Variants in VIT observed in about 807,000 individuals in gnomAD.
VIT encodes vitrin.
Under a neutral mutation model 78.0 loss-of-function variants are expected in VIT, and 99 were observed. That is an observed-to-expected ratio of 1.27 (90% confidence interval 1.08 to 1.50). VIT has a LOEUF of 1.50. Among genes scored for constraint, VIT ranks in the 40% most tolerant of loss-of-function variants. The probability of loss-of-function intolerance (pLI) is 0.00; values close to 1 mark genes in which losing one functional copy is unlikely to be tolerated. For synonymous variants in VIT, 374 were observed against 334.3 expected (o/e 1.12, Z -1.29); for missense variants, 1,126 against 875.3 (o/e 1.29, Z -3.61).
At chr2:36,813,109 G>T (rs1003745102) in intron 15 of VIT, among the ~76,000 whole-genome samples, 2 of 149,520 alleles carry the variant, frequency 1.3e-5, no homozygotes, top group Admixed American at 6.6e-5. Flanking sequence ...CAAAGTGCTG[G>T]GATTACAGGC....
intron 5 of VIT, among the ~76,000 whole-genome samples, chr2:36,755,472 T>A (rs1022249098): frequency 1.3e-5 from 2 of 152,200 alleles, no homozygotes; most frequent in Non-Finnish European, 2.9e-5. Context: ...ACAATGGCCA[T>A]ATCAAGAGGC....
chr2:36,708,074 G>GTACA (rs774481064), intron 1 of VIT, among the ~76,000 whole-genome samples: 43 of 151,944 alleles, frequency 2.8e-4, no homozygotes, highest in Non-Finnish European at 5.3e-4. Context: ...GAAGGTTTAT[G>GTACA]TACAGATAGA....
chr2:36,808,225 A>G (rs1242330309), intron 14 of VIT, among the ~76,000 whole-genome samples: 1 of 152,250 alleles, frequency 6.6e-6, no homozygotes, highest in African/African-American at 2.4e-5. Flanking sequence ...TTTGCTTAGC[A>G]GACAGCTTTC....
At chr2:36,750,984 G>A (rs1483930745) in intron 4 of VIT, among the ~76,000 whole-genome samples, 3 of 152,166 alleles carry the variant, frequency 2.0e-5, no homozygotes, top group South Asian at 2.1e-4. Context: ...TTAGGGCTAC[G>A]CGTGGTGGCT....
Position 36,808,684 on chromosome 2 carries a change from C to T in VIT, c.1602C>T (p.Thr534=). 6.2e-7 allele frequency: 1 copy of T among 1,614,222 alleles called. No individual in the cohort carries two copies. The highest frequency in any genetic ancestry group is 8.5e-7 in the Non-Finnish European group (1 of 1,180,030). ...TCCGCACCGTCCTCCAGTTTGTGAC[C>T]AACCTCACCAAAGAGTTTGAGATTT... ...GNFRTVLQFV[T]NLTKEFEISD... The change falls in exon 15 of 16, where the codon ACC becomes ACT. Residue 534 remains threonine, a synonymous_variant. Transcript: ENST00000379242.
Position 36,787,223 on chromosome 2 carries a change from C to T in VIT, c.1005C>T (p.Ala335=), listed in dbSNP as rs764371075. 4 of 1,614,146 alleles carry T rather than the reference C, an allele frequency of 2.5e-6. No individual in the cohort carries two copies. In the South Asian group the frequency reaches 3.3e-5, roughly 13 times the overall value. The change falls in exon 12 of 16, where the codon GCC becomes GCT. Residue 335 remains alanine (A), a synonymous_variant. Coordinates refer to ENST00000379242, the MANE Select transcript of VIT (RefSeq NM_053276.4). ...RIQKQLLADV[A]QALDIGPAGP... ...AGAAGCAGCTCCTGGCTGATGTTGC[C>T]CAAGCTCTTGACATTGGCCCTGCCG...
At chr2:36,783,684 G>A (rs776543765) in intron 11 of VIT, among the ~76,000 whole-genome samples, 1 of 152,166 alleles carries the variant, frequency 6.6e-6, no homozygotes, top group Non-Finnish European at 1.5e-5. Flanking sequence ...AGGAGGAGAC[G>A]GGCAGGTTAG....
At chr2:36,779,988 G>A (rs1372208379) in intron 9 of VIT, among the ~76,000 whole-genome samples, 1 of 152,146 alleles carries the variant, frequency 6.6e-6, no homozygotes, top group East Asian at 1.9e-4. Flanking sequence ...GGTTGACCCA[G>A]GATGGGCTTC....
intron 3 of VIT, among the ~76,000 whole-genome samples, chr2:36,733,034 A>G (rs1390947187): frequency 6.6e-6 from 1 of 152,190 alleles, no homozygotes; most frequent in Non-Finnish European, 1.5e-5. Flanking sequence ...AAGCAAAGAG[A>G]CACCAGATGG....
rs758452109 is a variant in VIT, at chr2:36,726,818, C to CAAAAAAAA, written c.53-2590_53-2583dup. Among the ~76,000 whole-genome samples, 49 of 111,584 alleles carry CAAAAAAAA rather than the reference C, an allele frequency of 4.4e-4. 1 individual carries two copies. Among genetic ancestry groups the CAAAAAAAA allele is most frequent in the African/African-American group, 1.9e-3 (47 of 25,132 alleles). 73.2% of individuals were successfully genotyped at this position (111,584 alleles called of 152,430 possible). The stretch of plus-strand genomic sequence containing the variant: ...TGGGCAACAGAGTGGGACTCTGTCT[C>CAAAAAAAA]AAAAAAAAAAAAAAAAAAAAAAAAA... On this transcript the variant is annotated intron_variant, in intron 2 of 15. Coordinates refer to ENST00000379242, the MANE Select transcript of VIT (RefSeq NM_053276.4).
chr2:36,809,491 C>T (rs1666992615), intron 15 of VIT, among the ~76,000 whole-genome samples: 1 of 152,180 alleles, frequency 6.6e-6, no homozygotes, highest in Non-Finnish European at 1.5e-5. Context: ...CATCTCCAAT[C>T]ACTGCAACCT....
chr2:36,776,321 A>G (rs1387482918), intron 9 of VIT, among the ~76,000 whole-genome samples: 1 of 152,196 alleles, frequency 6.6e-6, no homozygotes, highest in African/African-American at 2.4e-5. Flanking sequence ...ACATATTTCA[A>G]CAACAACAAC....
At chr2:36,805,818 C>A (rs1167108515) in intron 14 of VIT, among the ~76,000 whole-genome samples, 154 bp downstream of exon 14, 1 of 152,110 alleles carries the variant, frequency 6.6e-6, no homozygotes, top group South Asian at 2.1e-4. Context: ...CAATCCGAAA[C>A]CTGCAATTAC....
At chr2:36,800,691 T>G (rs913269498) in intron 12 of VIT, among the ~76,000 whole-genome samples, 13 of 152,206 alleles carry the variant, frequency 8.5e-5, no homozygotes, top group Admixed American at 3.9e-4. Context: ...AGAGAGGGAT[T>G]CTTACTGTGT....
At chr2:36,797,600 G>T (rs1440362023) in intron 12 of VIT, among the ~76,000 whole-genome samples, 1 of 152,138 alleles carries the variant, frequency 6.6e-6, no homozygotes, top group Admixed American at 6.5e-5. Context: ...CTAACCTGAG[G>T]TGCCTTCCAG....
intron 12 of VIT, among the ~76,000 whole-genome samples, chr2:36,788,774 G>C (rs1218106978): frequency 2.6e-5 from 4 of 152,080 alleles, no homozygotes; most frequent in African/African-American, 9.7e-5. Context: ...GTGTTATCTT[G>C]CATTAAAAAT....
Position 36,809,001 on chromosome 2 carries a change from C to A in VIT, c.1903+16C>A. 6.4e-6 allele frequency: 10 copies of A among 1,560,840 alleles called. No homozygotes were observed. Among genetic ancestry groups the A allele is most frequent in the South Asian group, 1.2e-5 (1 of 81,640 alleles). ...CATCTGAAGGGTAAGCTGGGCTTGCCAAGCAGCCTGGTGCTGAGGCTGCTT... is the reference window on the plus strand; with the variant it reads ...CATCTGAAGGGTAAGCTGGGCTTGCAAAGCAGCCTGGTGCTGAGGCTGCTT... On this transcript the variant is annotated intron_variant, in intron 15 of 15. Coordinates refer to ENST00000379242, the MANE Select transcript of VIT (RefSeq NM_053276.4).
intron 11 of VIT, among the ~76,000 whole-genome samples, chr2:36,786,764 C>T (rs1272145039): frequency 6.6e-6 from 1 of 152,252 alleles, no homozygotes; most frequent in Non-Finnish European, 1.5e-5. Context: ...GCCACACGCT[C>T]TTGCGACTCA....
chr2:36,758,560 G>C (rs561180918), intron 5 of VIT, among the ~76,000 whole-genome samples: 2 of 152,268 alleles, frequency 1.3e-5, no homozygotes, highest in Non-Finnish European at 2.9e-5. Context: ...AATCCCACAC[G>C]GTCTGTGAAA....
Sources: gnomAD v4.1 joint callset for allele counts (sites outside exome capture counted in the v4.1 genomes callset) on GRCh38, gnomAD v4.1.1 for gene constraint, MANE v1.5 for transcripts, NCBI Gene and HGNC (gene_info 2026-07-23, HGNC 2026-07-21) for gene names.